The following KCNH1 variants were observed in gnomAD, a reference collection of about 807,000 sequenced individuals.
KCNH1 encodes potassium voltage-gated channel subfamily H member 1.
A neutral mutation model predicts 69.2 loss-of-function variants in KCNH1; 27 were observed. The observed-to-expected ratio is 0.39, with a 90% CI of 0.29 to 0.54. The LOEUF (loss-of-function observed/expected upper bound fraction) is 0.54. KCNH1 is among the 20% of genes least tolerant of loss of function. The probability of loss-of-function intolerance (pLI) is 0.68; values close to 1 mark genes in which losing one functional copy is unlikely to be tolerated. For synonymous variants in KCNH1, 456 were observed against 487.7 expected, an observed-to-expected ratio of 0.93 and a Z score of 0.86; for missense variants, 798 against 1,261.6, an observed-to-expected ratio of 0.63 and a Z score of 5.57.
At chr1:210,794,412 T>C (rs1574260075) in intron 9 of KCNH1, among the ~76,000 whole-genome samples, 1 of 152,174 alleles carries the variant, frequency 6.6e-6, no homozygotes, top group South Asian at 2.1e-4. Context: ...GCTGAGCTAT[T>C]TGAGAGATCC....
chr1:210,960,331 A>C (rs1325374458), intron 6 of KCNH1, among the ~76,000 whole-genome samples: 6 of 152,104 alleles, frequency 3.9e-5, no homozygotes, highest in African/African-American at 4.8e-5. Context: ...TAATTTTTGC[A>C]CATCCATCAA....
rs934760966 is a variant in KCNH1, at chr1:210,988,094, A to C, written c.1032+30689T>G. Among the ~76,000 whole-genome samples the C allele has an allele frequency of 3.3e-5, 5 of 152,226 alleles. 1 individual carries two copies. The South Asian group carries it at 1.0e-3, about 32-fold the overall frequency. On this transcript the variant is annotated intron_variant, in intron 6 of 10. Coordinates refer to ENST00000271751, the MANE Select transcript of KCNH1 (RefSeq NM_172362.3). ...GGACCCTCTGAGCCAGGTGCAGGATATAATCTCCTGATGTGCCATTTGTTA... is the reference window on the plus strand; with the variant it reads ...GGACCCTCTGAGCCAGGTGCAGGATCTAATCTCCTGATGTGCCATTTGTTA...
At chr1:210,868,205 T>A (rs983055221) in intron 7 of KCNH1, among the ~76,000 whole-genome samples, 1 of 152,088 alleles carries the variant, frequency 6.6e-6, no homozygotes, top group African/African-American at 2.4e-5. Flanking sequence ...GATGACTAAT[T>A]AAATGGAACA....
At chr1:210,970,708 C>T (rs1204045900) in intron 6 of KCNH1, among the ~76,000 whole-genome samples, 1 of 152,044 alleles carries the variant, frequency 6.6e-6, no homozygotes, top group Admixed American at 6.6e-5. Context: ...TTAGGCAATA[C>T]CATTCAGGAC....
intron 10 of KCNH1, among the ~76,000 whole-genome samples, chr1:210,756,406 T>C (rs1424674151): frequency 6.6e-6 from 1 of 152,230 alleles, no homozygotes; most frequent in Non-Finnish European, 1.5e-5. Context: ...CCAGAAGTTA[T>C]TTTCATATCT....
intron 6 of KCNH1, among the ~76,000 whole-genome samples, chr1:210,968,312 A>G (rs1194331233): frequency 2.2e-5 from 3 of 134,604 alleles, no homozygotes; most frequent in African/African-American, 3.0e-5. Flanking sequence ...ATTGTGAATA[A>G]TGCCGCAATA....
chr1:210,940,111 T>G (rs981144059), intron 6 of KCNH1, among the ~76,000 whole-genome samples: 2 of 152,262 alleles, frequency 1.3e-5, no homozygotes, highest in African/African-American at 4.8e-5. Flanking sequence ...CAGATTTTAT[T>G]GGAAGTTATT....
At chr1:210,909,191 T>C (rs531935041) in intron 7 of KCNH1, among the ~76,000 whole-genome samples, 64 of 152,366 alleles carry the variant, frequency 4.2e-4, no homozygotes, top group African/African-American at 1.4e-3. Flanking sequence ...TTCTGCAGTA[T>C]CCTCATTGGA....
At chr1:210,859,073 T>A in intron 7 of KCNH1, 1 of 740,094 alleles carries the variant, frequency 1.4e-6, no homozygotes. Context: ...CATCTACTGA[T>A]CATTAGTTTA....
intron 10 of KCNH1, among the ~76,000 whole-genome samples, chr1:210,715,302 G>C (rs1403384698): frequency 6.6e-6 from 1 of 152,124 alleles, no homozygotes; most frequent in Non-Finnish European, 1.5e-5. Context: ...AGGGTAGGGA[G>C]GGACAAGGAG....
At chr1:210,946,689 C>A (rs1051171613) in intron 6 of KCNH1, among the ~76,000 whole-genome samples, 4 of 152,170 alleles carry the variant, frequency 2.6e-5, no homozygotes, top group Non-Finnish European at 5.9e-5. Context: ...CTGGCCCCTG[C>A]CTGCTCCTCC....
intron 7 of KCNH1, among the ~76,000 whole-genome samples, chr1:210,831,935 C>A (rs1685168191): frequency 6.6e-6 from 1 of 152,000 alleles, no homozygotes; most frequent in Admixed American, 6.6e-5. Context: ...GCTCTTGAGT[C>A]CTTGAAATGT....
At chr1:210,718,787 G>A (rs913458051) in intron 10 of KCNH1, among the ~76,000 whole-genome samples, 23 of 150,784 alleles carry the variant, frequency 1.5e-4, no homozygotes, top group Middle Eastern at 3.4e-3. Flanking sequence ...GTACTCAGTC[G>A]GCACATGTGG....
At chr1:210,958,252 C>T (rs921524731) in intron 6 of KCNH1, among the ~76,000 whole-genome samples, 1 of 152,178 alleles carries the variant, frequency 6.6e-6, no homozygotes, top group Non-Finnish European at 1.5e-5. Flanking sequence ...TCTCTTCTGG[C>T]TTGTAGGGTT....
chr1:210,878,784 A>C (rs969584100), intron 7 of KCNH1, among the ~76,000 whole-genome samples: 5 of 152,068 alleles, frequency 3.3e-5, no homozygotes, highest in African/African-American at 1.2e-4. Flanking sequence ...AATTATAAAA[A>C]GTAGAGCAGA....
chr1:210,847,979 A>G, intron 7 of KCNH1, among the ~76,000 whole-genome samples: 1 of 152,290 alleles, frequency 6.6e-6, no homozygotes, highest in Middle Eastern at 3.4e-3. Context: ...ACTGTCGTTT[A>G]AGATGAAAAA....
rs556119720 is a variant in KCNH1 at position 210,958,888 on chromosome 1, C to T, written c.1033-38819G>A. ...TTTAGCTCAGATAACTTTGTTATTA[C>T]CGGCCTTCTGAAGCCTACTTCTGTC... is the stretch of plus-strand genomic sequence containing the variant. On this transcript the variant is annotated intron_variant, in intron 6 of 10. Transcript: ENST00000271751. Among the ~76,000 whole-genome samples the T allele has an allele frequency of 4.6e-5, 7 of 152,294 alleles. No homozygotes were observed. The South Asian group carries it at 1.5e-3, about 32-fold the overall frequency.
At chr1:210,922,654 T>C (rs150543460) in intron 6 of KCNH1, among the ~76,000 whole-genome samples, 44 of 152,246 alleles carry the variant, frequency 2.9e-4, no homozygotes, top group African/African-American at 1.0e-3. Flanking sequence ...AAACCCACTA[T>C]GTAAAAAGGG....
intron 7 of KCNH1, among the ~76,000 whole-genome samples, chr1:210,854,375 G>A (rs1465963981): frequency 2.6e-5 from 4 of 152,168 alleles, no homozygotes; most frequent in Non-Finnish European, 5.9e-5. Flanking sequence ...GAAAAGGGAT[G>A]AATAATCAAA....
Sources: allele counts gnomAD v4.1 joint callset (sites outside exome capture counted in the v4.1 genomes callset), GRCh38; gene constraint gnomAD v4.1.1; transcripts MANE v1.5; gene names NCBI Gene and HGNC (gene_info 2026-07-23, HGNC 2026-07-21).